The following TGS1 variants were observed in gnomAD, a reference collection of about 807,000 sequenced individuals.
TGS1 encodes trimethylguanosine synthase 1.
In TGS1, 69 loss-of-function variants were observed where a neutral mutation model predicts 92.2. That is an observed-to-expected ratio of 0.75 (90% CI 0.62 to 0.91). The LOEUF (loss-of-function observed/expected upper bound fraction) is 0.91. Among genes scored for constraint, TGS1 ranks in the 40% least tolerant of loss-of-function variants. The pLI is 0.00. For synonymous variants in TGS1, 345 were observed against 338.1 expected, an observed-to-expected ratio of 1.02 and a Z score of -0.22; for missense variants, 1,062 against 1,001.2, an observed-to-expected ratio of 1.06 and a Z score of -0.82.
intron 7 of TGS1, among the ~76,000 whole-genome samples, chr8:55,798,548 T>G (rs1217670164): frequency 6.6e-5 from 10 of 152,202 alleles, no homozygotes; most frequent in Admixed American, 6.5e-4. Flanking sequence ...AAACTAAAAT[T>G]AATGATTCAG....
intron 2 of TGS1, among the ~76,000 whole-genome samples, chr8:55,785,346 G>C (rs563950745): frequency 6.6e-6 from 1 of 152,090 alleles, no homozygotes; most frequent in Non-Finnish European, 1.5e-5. Context: ...GTGAGCCACC[G>C]TGCCCAGCAT....
chr8:55,822,295 C>G (rs1803667413), intron 12 of TGS1, among the ~76,000 whole-genome samples: 1 of 152,066 alleles, frequency 6.6e-6, no homozygotes, highest in Admixed American at 6.6e-5. Context: ...TGGTCTCGAT[C>G]TCCTGACCTC....
Position 55,773,667 on chromosome 8 carries a change from G to A in TGS1, c.49G>A (p.Glu17Lys). Residue 17 changes from glutamate (E) to lysine (K), a missense_variant, in exon 1 of 13, where the codon GAG becomes AAG. Transcript: ENST00000260129. ...SRVAEMFLFIEEREDCKILCL... is the reference protein window; with the variant it reads ...SRVAEMFLFIKEREDCKILCL... ...CGTGGCGGAAATGTTTCTCTTCATT[G>A]AGGAGCGGGAGGATTGTAAGATACT... The A allele has an allele frequency of 6.2e-7, 1 of 1,611,066 alleles. No homozygotes were observed. Among genetic ancestry groups the A allele is most frequent in the Non-Finnish European group, 8.5e-7 (1 of 1,178,886 alleles).
At chr8:55,775,460 T>C (rs1811370436) in intron 1 of TGS1, among the ~76,000 whole-genome samples, 1 of 152,060 alleles carries the variant, frequency 6.6e-6, no homozygotes, top group Non-Finnish European at 1.5e-5. Flanking sequence ...GACCATTGTT[T>C]AGGCAAGAGA....
intron 10 of TGS1, among the ~76,000 whole-genome samples, chr8:55,806,814 A>T (rs1171223233): frequency 1.3e-5 from 2 of 152,244 alleles, no homozygotes; most frequent in Non-Finnish European, 2.9e-5. Flanking sequence ...AGTATTTTAT[A>T]AAACCAAAAA....
rs748767901 is a variant in TGS1 at position 55,786,737 on chromosome 8, A to C, written c.839A>C (p.Asp280Ala). ...TDTYTSKTEA[D>A]DKNDEKCMKV... ...ACTTACACATCTAAAACAGAAGCTG[A>C]TGACAAGAACGATGAAAAATGCATG... The change falls in exon 4 of 13, where the codon GAT becomes GCT. Residue 280 changes from aspartate (D) to alanine (A), a missense_variant. Transcript: ENST00000260129. 1.9e-6 allele frequency: 3 copies of C among 1,614,198 alleles called. No individual in the cohort carries two copies. The South Asian group carries it at 3.3e-5, about 18-fold the overall frequency.
Position 55,817,245 on chromosome 8 carries a change from G to C in TGS1, c.2439+4127G>C, listed in dbSNP as rs556144142. Among the ~76,000 whole-genome samples the C allele has an allele frequency of 1.9e-3, 288 of 152,260 alleles. 3 individuals carry two copies. The highest frequency in any genetic ancestry group is 3.4e-3 in the Middle Eastern group (1 of 294). On this transcript the variant is annotated intron_variant, in intron 12 of 12. Coordinates refer to ENST00000260129, the MANE Select transcript of TGS1 (RefSeq NM_024831.8). ...TTCTCTGATGTCTAGGAAGGGAAAT[G>C]TTCCTCATTGTAACAGTCACTTCTA...
intron 1 of TGS1, among the ~76,000 whole-genome samples, chr8:55,774,165 G>T (rs1252912922): frequency 6.6e-6 from 1 of 152,114 alleles, no homozygotes; most frequent in East Asian, 1.9e-4. Flanking sequence ...TGAGATAAAA[G>T]ACTTAACCAT....
chr8:55,815,721 T>C (rs1704488459), intron 12 of TGS1, among the ~76,000 whole-genome samples: 1 of 152,194 alleles, frequency 6.6e-6, no homozygotes, highest in Non-Finnish European at 1.5e-5. Context: ...AATTGTTTCC[T>C]GTATCTAGTG....
intron 10 of TGS1, among the ~76,000 whole-genome samples, chr8:55,808,054 C>T (rs964193768): frequency 3.3e-5 from 5 of 152,164 alleles, no homozygotes; most frequent in Admixed American, 2.0e-4. Context: ...GAGAAACTGA[C>T]TTTAATCAAA....
intron 9 of TGS1, 73 bp from the exon 10 acceptor site, chr8:55,804,820 A>G (rs1812318918): frequency 7.7e-7 from 1 of 1,291,142 alleles, no homozygotes; most frequent in Non-Finnish European, 1.1e-6. Context: ...AGATATAGTA[A>G]TGTTTGCTAT....
rs913308820 is a variant in TGS1, at chr8:55,790,194, C to A, written c.1175C>A (p.Ser392Tyr). 6.2e-7 allele frequency: 1 copy of A among 1,613,612 alleles called. No individual in the cohort carries two copies. Among genetic ancestry groups the A allele is most frequent in the African/African-American group, 1.3e-5 (1 of 74,884 alleles). ...TCTGCCTCTTTAGATTCACAGAAGT[C>A]TTCAGGAGCAAACACAAGCAAAGAC... ...TDPPAEDSQK[S>Y]SGANTSKDRP... is the part of the protein sequence containing the mutation. The change falls in exon 5 of 13, where the codon TCT becomes TAT. Residue 392 changes from serine (S) to tyrosine (Y), a missense_variant. Ser to Tyr is a moderately radical substitution (Grantham distance 144). Transcript: ENST00000260129.
chr8:55,810,342 T>C (rs149375914), intron 10 of TGS1, among the ~76,000 whole-genome samples: 1 of 152,394 alleles, frequency 6.6e-6, no homozygotes, highest in African/African-American at 2.4e-5. Context: ...CTACCTAAAA[T>C]GTCTCATTAA....
chr8:55,786,385 T>TATGAGA lies in TGS1; in HGVS notation c.489_494dup (p.Glu164_Asn165dup), dbSNP rs773665227. On this transcript the variant is annotated inframe_insertion, in exon 4 of 13. Transcript: ENST00000260129. The stretch of plus-strand genomic sequence containing the variant: ...AGATGATCCATCTTCAATTGAACAG[T>TATGAGA]ATGAGAACACCAGAACATATGAACT... The TATGAGA allele has an allele frequency of 6.2e-6, 10 of 1,613,788 alleles. No individual in the cohort carries two copies. The highest frequency in any genetic ancestry group is 8.5e-6 in the Non-Finnish European group (10 of 1,179,962).
intron 10 of TGS1, among the ~76,000 whole-genome samples, chr8:55,809,759 G>A (rs545728850): frequency 2.6e-5 from 4 of 152,194 alleles, no homozygotes; most frequent in Non-Finnish European, 5.9e-5. Context: ...GTGATAGATT[G>A]AATGCTTCCA....
At chr8:55,789,755 G>T (rs1427040425) in intron 4 of TGS1, among the ~76,000 whole-genome samples, 1 of 152,216 alleles carries the variant, frequency 6.6e-6, no homozygotes, top group East Asian at 1.9e-4. Flanking sequence ...CGTACAGAAG[G>T]TGGAAGTGAG....
At chr8:55,782,871 T>C in intron 2 of TGS1, 59 bp downstream of exon 2, 1 of 1,111,626 alleles carries the variant, frequency 9.0e-7, no homozygotes, top group Non-Finnish European at 1.3e-6. Flanking sequence ...AATGTGTTAA[T>C]TTATGTATAA....
chr8:55,817,143 A>G (rs1056404418), intron 12 of TGS1, among the ~76,000 whole-genome samples: 6 of 152,268 alleles, frequency 3.9e-5, no homozygotes, highest in Admixed American at 3.3e-4. Context: ...GATTACAGGC[A>G]TGAGCCACCA....
At position 55,786,600 on chromosome 8, in the gene TGS1, G is replaced by C. The variant is rs1263021642; in HGVS notation, c.702G>C (p.Lys234Asn). The stretch of plus-strand genomic sequence containing the variant: ...AACCTTGGAACTTTCCTGATACAAA[G>C]GAAGAATGGGAGCAACATTATAGTC... ...SSEPWNFPDT[K>N]EEWEQHYSQL... Residue 234 changes from lysine (K) to asparagine (N), a missense_variant, in exon 4 of 13, where the codon AAG (lysine) becomes AAC (asparagine). Lys to Asn is a moderately conservative substitution (Grantham distance 94). Coordinates refer to ENST00000260129, the MANE Select transcript of TGS1 (RefSeq NM_024831.8). 1 of 1,614,056 alleles carries C rather than the reference G, an allele frequency of 6.2e-7. No individual in the cohort carries two copies.
Sources: allele counts gnomAD v4.1 joint callset (sites outside exome capture counted in the v4.1 genomes callset), GRCh38; gene constraint gnomAD v4.1.1; transcripts MANE v1.5; gene names NCBI Gene and HGNC (gene_info 2026-07-23, HGNC 2026-07-21).